Variants in TDRD7 observed in about 807,000 individuals in gnomAD.
TDRD7 encodes the protein tudor domain-containing protein 7.
In TDRD7, 47 loss-of-function variants were observed where a neutral mutation model predicts 109.8. That is an observed-to-expected ratio of 0.43 (90% CI 0.34 to 0.55). The LOEUF is 0.55. Ranked by LOEUF, TDRD7 falls within the 20% of genes least tolerant of loss-of-function variation. The probability of loss-of-function intolerance (pLI) is 0.03; values close to 1 mark genes in which losing one functional copy is unlikely to be tolerated. For synonymous variants in TDRD7, 424 were observed against 457.3 expected, an observed-to-expected ratio of 0.93 and a Z score of 0.93; for missense variants, 1,164 against 1,319.2, an observed-to-expected ratio of 0.88 and a Z score of 1.82.
At chr9:97,493,247 G>T (rs1414376148) in intron 16 of TDRD7, among the ~76,000 whole-genome samples, 1 of 152,000 alleles carries the variant, frequency 6.6e-6, no homozygotes, top group East Asian at 1.9e-4. Context: ...TTTCATGTAG[G>T]TTCTTTTCTA....
intron 10 of TDRD7, 114 bp downstream of exon 10, chr9:97,472,609 A>AG (rs1828941169): frequency 1.1e-6 from 1 of 911,240 alleles, no homozygotes; most frequent in Admixed American, 1.9e-5. Flanking sequence ...ATTTACATTG[A>AG]GGGGAAAAAA....
At chr9:97,492,986 G>T (rs561433914) in intron 16 of TDRD7, among the ~76,000 whole-genome samples, 23 of 152,208 alleles carry the variant, frequency 1.5e-4, no homozygotes, top group Admixed American at 5.9e-4. Context: ...TGGTAGACTT[G>T]GTTCACACCT....
chr9:97,427,785 A>G (rs773783637), intron 1 of TDRD7, among the ~76,000 whole-genome samples: 1 of 152,104 alleles, frequency 6.6e-6, no homozygotes, highest in Non-Finnish European at 1.5e-5. Context: ...AAGGCCCTGT[A>G]TTGTGGTCCT....
At chr9:97,432,962 G>T (rs151009029) in intron 4 of TDRD7, among the ~76,000 whole-genome samples, 1 of 152,124 alleles carries the variant, frequency 6.6e-6, no homozygotes, top group African/African-American at 2.4e-5. Context: ...CAAAATAGTG[G>T]CAGAAGTGAG....
chr9:97,430,424 A>G (rs752661048), intron 2 of TDRD7, among the ~76,000 whole-genome samples: 41 of 152,174 alleles, frequency 2.7e-4, no homozygotes, highest in Non-Finnish European at 4.7e-4. Flanking sequence ...GCCCAGAGTC[A>G]CCCAGCAGAT....
chr9:97,431,299 C>T (rs570700841), intron 3 of TDRD7, among the ~76,000 whole-genome samples: 2 of 152,226 alleles, frequency 1.3e-5, no homozygotes, highest in East Asian at 3.9e-4. Context: ...TAACTCAGAA[C>T]AGATTTTAAT....
chr9:97,477,071 T>C (rs1351504808), intron 12 of TDRD7, among the ~76,000 whole-genome samples: 1 of 152,218 alleles, frequency 6.6e-6, no homozygotes, highest in Admixed American at 6.5e-5. Flanking sequence ...TAAAGTTCTG[T>C]GTGATTTAAT....
At position 97,465,042 on chromosome 9, in the gene TDRD7, A is replaced by C; in HGVS notation, c.1629+14A>C. On this transcript the variant is annotated intron_variant, in intron 8 of 16. Transcript: ENST00000355295. ...AACAAAATAAAGGCAAGCACTGTTT[A>C]CTTTGTCATAGCATTATGGATACAA... 1 of 1,611,490 alleles carries C rather than the reference A, an allele frequency of 6.2e-7. No individual in the cohort carries two copies. The highest frequency in any genetic ancestry group is 8.5e-7 in the Non-Finnish European group (1 of 1,178,634).
intron 12 of TDRD7, among the ~76,000 whole-genome samples, chr9:97,476,738 A>G (rs1829028961): frequency 1.3e-5 from 2 of 151,966 alleles, no homozygotes; most frequent in Admixed American, 6.6e-5. Flanking sequence ...TGCTTGTATT[A>G]TATATTTTGG....
At chr9:97,450,659 T>G (rs1228454937) in intron 6 of TDRD7, among the ~76,000 whole-genome samples, 1 of 152,120 alleles carries the variant, frequency 6.6e-6, no homozygotes, top group African/African-American at 2.4e-5. Flanking sequence ...TTTAGCAAGG[T>G]TCTTGTGGGA....
At chr9:97,428,359 C>A in intron 1 of TDRD7, 101 bp from the exon 2 acceptor site, 3 of 1,128,086 alleles carry the variant, frequency 2.7e-6, no homozygotes, top group South Asian at 1.3e-5. Context: ...AGAAAGTATG[C>A]AGTAATAATT....
chr9:97,495,095 G>T (rs752296561), intron 16 of TDRD7, among the ~76,000 whole-genome samples: 6 of 152,102 alleles, frequency 3.9e-5, no homozygotes, highest in Non-Finnish European at 8.8e-5. Flanking sequence ...ATCCAATCAG[G>T]TTCTTTTATC....
At chr9:97,473,264 A>G (rs1322590382) in intron 10 of TDRD7, among the ~76,000 whole-genome samples, 1 of 152,222 alleles carries the variant, frequency 6.6e-6, no homozygotes, top group Non-Finnish European at 1.5e-5. Context: ...CACAATGTCT[A>G]TTTTGTGCTT....
At chr9:97,446,911 A>C (rs542937051) in intron 6 of TDRD7, among the ~76,000 whole-genome samples, 1 of 152,316 alleles carries the variant, frequency 6.6e-6, no homozygotes, top group South Asian at 2.1e-4. Context: ...GTGGTATTGA[A>C]TATACTCTAT....
chr9:97,457,201 A>G (rs963077267), intron 6 of TDRD7, among the ~76,000 whole-genome samples: 1 of 152,154 alleles, frequency 6.6e-6, no homozygotes, highest in African/African-American at 2.4e-5. Context: ...AAATAGGAAC[A>G]CTTTTACACT....
At chr9:97,480,427 A>AT (rs61045195) in intron 13 of TDRD7, 2,054 of 186,936 alleles carry the variant, frequency 0.011, no homozygotes, top group East Asian at 0.023. Context: ...ATGACAATTG[A>AT]TTTTTTTTTT....
intron 6 of TDRD7, among the ~76,000 whole-genome samples, chr9:97,456,314 G>GA: frequency 6.6e-6 from 1 of 152,250 alleles, no homozygotes; most frequent in Non-Finnish European, 1.5e-5. Context: ...CACAGAATTA[G>GA]AAAAAACTAT....
chr9:97,470,099 GAT>G, intron 8 of TDRD7, among the ~76,000 whole-genome samples: 1 of 152,290 alleles, frequency 6.6e-6, no homozygotes, highest in South Asian at 2.1e-4. Flanking sequence ...TTTAGAATCT[GAT>G]AAATACCACA....
Position 97,464,949 on chromosome 9 carries a change from G to A in TDRD7, c.1550G>A (p.Gly517Glu), listed in dbSNP as rs774397915. The change falls in exon 8 of 17, where the codon GGG (glycine) becomes GAG (glutamate). Residue 517 changes from glycine (G) to glutamate (E), a missense_variant. Physicochemically the swap from Gly to Glu is moderately conservative, Grantham distance 98. Around this residue, in one of 5 missense-constraint regions of TDRD7, gnomAD observed 261 missense variants for 336.2 expected, o/e 0.78. Coordinates refer to ENST00000355295, the MANE Select transcript of TDRD7 (RefSeq NM_014290.3). Reference sequence around the variant, plus strand: ...ACACCAGTCCAGGCTGTGAATGTTGGGCAGTTGCTGGCCGTAAATGCCGAG... The same window carrying A: ...ACACCAGTCCAGGCTGTGAATGTTGAGCAGTTGCTGGCCGTAAATGCCGAG... ...KITPVQAVNV[G>E]QLLAVNAEED... 1.1e-5 allele frequency: 18 copies of A among 1,614,036 alleles called. No individual in the cohort carries two copies. In the African/African-American group the frequency reaches 2.1e-4, roughly 19 times the overall value.
Sources: allele counts gnomAD v4.1 joint callset (sites outside exome capture counted in the v4.1 genomes callset), GRCh38; gene constraint gnomAD v4.1.1; regional missense constraint gnomAD v4.1.1; transcripts MANE v1.5; gene names NCBI Gene and HGNC (gene_info 2026-07-23, HGNC 2026-07-21).